Variants in BRME1 observed in about 807,000 individuals in gnomAD.
The protein encoded by BRME1 is BRCA2 and MEILB2-associating protein 1.
BRME1 carries 31 observed loss-of-function variants against 52.6 expected under a neutral mutation model. The observed-to-expected ratio is 0.59, with a 90% CI of 0.44 to 0.80. BRME1 has a LOEUF of 0.80. Among genes scored for constraint, BRME1 ranks in the 30% least tolerant of loss-of-function variants. BRME1 has a pLI of 0.00. For missense variants in BRME1, 804 were observed against 860.3 expected (o/e 0.93, Z 0.82); for synonymous variants, 359 against 353.6 (o/e 1.02, Z -0.17).
rs776819929 is a variant in BRME1, at chr19:13,895,449, A to G, written c.129T>C (p.Pro43=). Residue 43 remains proline (P), a synonymous_variant, in exon 3 of 9, where the codon CCT becomes CCC. Coordinates refer to ENST00000586783, the MANE Select transcript of BRME1 (RefSeq NM_001345843.2). The part of the protein sequence containing the change: ...QSSMLGCLHH[P]EEPEGKLGPV... ...GTCCCAATTTGCCCTCTGGCTCCTC[A>G]GGGTGATGTAAACAGCCCAACATGG... 1.2e-6 allele frequency: 2 copies of G among 1,614,114 alleles called. No individual in the cohort carries two copies. The highest frequency in any genetic ancestry group is 2.2e-5 in the South Asian group (2 of 91,080).
rs1409092473 is a variant in BRME1 at position 13,889,549 on chromosome 19, C to T, written c.1307G>A (p.Gly436Asp). The change falls in exon 6 of 9, where the codon GGT becomes GAT. Residue 436 changes from glycine (G) to aspartate (D), a missense_variant. Gly to Asp is a moderately conservative substitution (Grantham distance 94). Transcript: ENST00000586783. ...TGGACCTGTGTCCGGGGATGCATGA[C>T]CGGAATCTCCAGCACCCATCATGGA... is the stretch of plus-strand genomic sequence containing the variant. ...GESMMGAGDSGHASPDTGPCV... is the reference protein window; with the variant it reads ...GESMMGAGDSDHASPDTGPCV... 3 of 1,613,712 alleles carry T rather than the reference C, an allele frequency of 1.9e-6. No individual in the cohort carries two copies. In the Admixed American group the frequency reaches 5.0e-5, roughly 27 times the overall value.
intron 2 of BRME1, among the ~76,000 whole-genome samples, chr19:13,896,035 C>T (rs7257933): frequency 0.039 from 5,965 of 152,184 alleles, 396 homozygotes; most frequent in African/African-American, 0.14. Context: ...TTTGGGAGGC[C>T]GAGGCGGGTG....
intron 2 of BRME1, among the ~76,000 whole-genome samples, chr19:13,903,534 G>T (rs774001018): frequency 5.9e-5 from 9 of 151,958 alleles, no homozygotes; most frequent in African/African-American, 2.2e-4. Flanking sequence ...TTAGGCGGGC[G>T]TGGTGGTGCA....
intron 3 of BRME1, among the ~76,000 whole-genome samples, chr19:13,894,940 G>GC (rs1180377051): frequency 6.6e-6 from 1 of 152,028 alleles, no homozygotes; most frequent in Non-Finnish European, 1.5e-5. Flanking sequence ...GAGCGTAGTG[G>GC]CATGATCTCA....
chr19:13,890,216 C>T lies in BRME1; in HGVS notation c.640G>A (p.Glu214Lys). The T allele has an allele frequency of 6.2e-7, 1 of 1,614,234 alleles. No individual in the cohort carries two copies. Among genetic ancestry groups the T allele is most frequent in the Non-Finnish European group, 8.5e-7 (1 of 1,180,034 alleles). Residue 214 changes from glutamate (E) to lysine (K), a missense_variant, in exon 6 of 9, where the codon GAA becomes AAA. Transcript: ENST00000586783. ...SQRASQDHLS[E>K]QGADDSKPET... The stretch of plus-strand genomic sequence containing the variant: ...GGCTTGCTGTCATCGGCCCCTTGTT[C>T]TGACAGGTGGTCTTGGCTGGCCCTC...
chr19:13,895,478 T>A lies in BRME1; in HGVS notation c.100A>T (p.Ser34Cys), dbSNP rs750046827. Reference protein sequence around the residue: ...RLGDFYGDPQSSMLGCLHHPE... With the variant: ...RLGDFYGDPQCSMLGCLHHPE... ...TGATGTAAACAGCCCAACATGGAAC[T>A]CTGGGGGTCCCCATAGAAGTCTCCT... Residue 34 changes from serine to cysteine, a missense_variant, in exon 3 of 9, where the codon AGT (serine) becomes TGT (cysteine). Physicochemically the swap from Ser to Cys is moderately radical, Grantham distance 112 (BLOSUM62 -1). Coordinates refer to ENST00000586783, the MANE Select transcript of BRME1 (RefSeq NM_001345843.2). 1.2e-6 allele frequency: 2 copies of A among 1,614,130 alleles called. No individual in the cohort carries two copies. Among genetic ancestry groups the A allele is most frequent in the Admixed American group, 1.7e-5 (1 of 60,000 alleles).
At chr19:13,896,409 TA>T (rs1252405872) in intron 2 of BRME1, among the ~76,000 whole-genome samples, 3 of 147,072 alleles carry the variant, frequency 2.0e-5, no homozygotes, top group African/African-American at 7.4e-5. Flanking sequence ...TTATTTAAAT[TA>T]TATATTTATG....
chr19:13,904,267 C>T (rs1420270584), intron 2 of BRME1, among the ~76,000 whole-genome samples: 1 of 152,044 alleles, frequency 6.6e-6, no homozygotes, highest in Non-Finnish European at 1.5e-5. Flanking sequence ...CCACGCCCAG[C>T]TAATTTCCTT....
chr19:13,889,152 T>C lies in BRME1; in HGVS notation c.1668+36A>G, dbSNP rs775234588. On this transcript the variant is annotated intron_variant, in intron 6 of 8. Transcript: ENST00000586783. ...GCTTGTGGAGGTTGGGTGCCTGCCC[T>C]GGGCAGGTATGTCTGTCACTCAGGG... 10 of 1,517,620 alleles carry C rather than the reference T, an allele frequency of 6.6e-6. No homozygotes were observed. The South Asian group carries it at 1.3e-4, about 20-fold the overall frequency. The allele number at this position is 1,517,620 out of a possible 1,614,324, so 94.0% of individuals were successfully genotyped here. A position where few individuals can be genotyped will look rare whatever the true frequency, so the allele number is the denominator to read the frequency against.
Position 13,896,641 on chromosome 19 carries a change from T to C in BRME1, c.32-1095A>G, listed in dbSNP as rs551803589. On this transcript the variant is annotated intron_variant, in intron 2 of 8. Transcript: ENST00000586783. The stretch of plus-strand genomic sequence containing the variant: ...ATGTATTTATACATACATATGTATT[T>C]ATACATACGTATTTACATATATGTA... Among the ~76,000 whole-genome samples the C allele has an allele frequency of 2.2e-4, 33 of 147,438 alleles. 1 individual carries two copies. In the South Asian group the frequency reaches 6.5e-3, roughly 29 times the overall value.
At chr19:13,895,637 G>A in intron 2 of BRME1, 91 bp from the exon 3 acceptor site, 1 of 1,188,410 alleles carries the variant, frequency 8.4e-7, no homozygotes, top group Non-Finnish European at 1.2e-6. Flanking sequence ...CAACCAGGCT[G>A]CACGCGAGAA....
In BRME1 at chr19:13,895,485, G is replaced by A. The variant is rs1358228187; in HGVS notation, c.93C>T (p.Asp31=). ...KNPRLGDFYG[D]PQSSMLGCLH... Reference sequence around the variant, plus strand: ...AACAGCCCAACATGGAACTCTGGGGGTCCCCATAGAAGTCTCCTAGCCTTG... The same window carrying A: ...AACAGCCCAACATGGAACTCTGGGGATCCCCATAGAAGTCTCCTAGCCTTG... Residue 31 remains aspartate, a synonymous_variant, in exon 3 of 9, where the codon GAC becomes GAT. Coordinates refer to ENST00000586783, the MANE Select transcript of BRME1 (RefSeq NM_001345843.2). 1 of 1,614,056 alleles carries A rather than the reference G, an allele frequency of 6.2e-7. No homozygotes were observed. Among genetic ancestry groups the A allele is most frequent in the East Asian group, 2.2e-5 (1 of 44,878 alleles).
intron 5 of BRME1, among the ~76,000 whole-genome samples, chr19:13,891,751 G>A (rs1467852728): frequency 6.6e-6 from 1 of 151,454 alleles, no homozygotes; most frequent in Non-Finnish European, 1.5e-5. Flanking sequence ...TTACAGGTGG[G>A]AGCCACTGCA....
At chr19:13,898,027 G>T (rs1970028715) in intron 2 of BRME1, among the ~76,000 whole-genome samples, 1 of 144,542 alleles carries the variant, frequency 6.9e-6, no homozygotes, top group East Asian at 2.1e-4. Flanking sequence ...TGAATCCGGG[G>T]GGCTGAGGTT....
intron 8 of BRME1, 31 bp from the exon 9 acceptor site, chr19:13,882,983 G>A (rs753804235): frequency 1.2e-6 from 2 of 1,601,604 alleles, no homozygotes; most frequent in Non-Finnish European, 1.7e-6. Context: ...TGCGTGTGGG[G>A]CTCAGTGGTC....
At position 13,889,495 on chromosome 19, in the gene BRME1, G is replaced by A; in HGVS notation, c.1361C>T (p.Pro454Leu). ...PCVNQKQEPGPAQEEAELGGQ... is the reference protein window; with the variant it reads ...PCVNQKQEPGLAQEEAELGGQ... ...ACCTAACTCGGCTTCCTCTTGAGCA[G>A]GACCTGGCTCCTGCTTCTGATTGAC... Residue 454 changes from proline (P) to leucine (L), a missense_variant, in exon 6 of 9, where the codon CCT (proline) becomes CTT (leucine). Physicochemically the swap from Pro to Leu is moderately conservative, Grantham distance 98. Transcript: ENST00000586783. 6.2e-7 allele frequency: 1 copy of A among 1,613,944 alleles called. No homozygotes were observed. The highest frequency in any genetic ancestry group is 8.5e-7 in the Non-Finnish European group (1 of 1,180,028).
intron 6 of BRME1, 36 bp downstream of exon 6, chr19:13,889,152 T>G: frequency 1.3e-6 from 2 of 1,517,736 alleles, no homozygotes; most frequent in Non-Finnish European, 1.8e-6. Flanking sequence ...GTGCCTGCCC[T>G]GGGCAGGTAT....
At position 13,892,910 on chromosome 19, in the gene BRME1, A is replaced by C. The variant is rs1220700307; in HGVS notation, c.289-20T>G. On this transcript the variant is annotated intron_variant, in intron 4 of 8. Transcript: ENST00000586783. ...TGAGTTCTGTAAACCGGATACAAGA[A>C]CAAAGCAGCAATAAAGATAAGAGAG... is the stretch of plus-strand genomic sequence containing the variant. The C allele has an allele frequency of 6.3e-7, 1 of 1,599,574 alleles. No homozygotes were observed. Among genetic ancestry groups the C allele is most frequent in the Non-Finnish European group, 8.6e-7 (1 of 1,166,682 alleles).
At chr19:13,885,893 CATCT>C (rs1217225153) in intron 7 of BRME1, 64 bp downstream of exon 7, 4 of 1,399,456 alleles carry the variant, frequency 2.9e-6, no homozygotes, top group East Asian at 2.3e-5. Flanking sequence ...CTGTCTCCTC[CATCT>C]GTCACCCTCC....
Sources: allele counts gnomAD v4.1 joint callset (sites outside exome capture counted in the v4.1 genomes callset), GRCh38; gene constraint gnomAD v4.1.1; transcripts MANE v1.5; gene names NCBI Gene and HGNC (gene_info 2026-07-23, HGNC 2026-07-21).